Variants in PHC2 observed in about 807,000 individuals in gnomAD.
PHC2 encodes polyhomeotic homolog 2, also known as polyhomeotic-like protein 2.
Under a neutral mutation model 87.4 loss-of-function variants are expected in PHC2, and 29 were observed. The observed-to-expected ratio is 0.33, with a 90% CI of 0.25 to 0.45. The LOEUF is 0.45. Among genes scored for constraint, PHC2 ranks in the 20% least tolerant of loss-of-function variants. PHC2 has a pLI of 1.00. For synonymous variants in PHC2, 438 were observed against 461.7 expected (o/e 0.95, Z 0.66); for missense variants, 857 against 1,136.7 (o/e 0.75, Z 3.54).
At chr1:33,342,366 G>C (rs927616856) in intron 9 of PHC2, among the ~76,000 whole-genome samples, 2 of 152,214 alleles carry the variant, frequency 1.3e-5, no homozygotes, top group African/African-American at 4.8e-5. Flanking sequence ...CTTTCATGCT[G>C]TCTCTCAGGA....
intron 1 of PHC2, among the ~76,000 whole-genome samples, chr1:33,376,043 C>T (rs922746985): frequency 1.3e-5 from 2 of 151,782 alleles, no homozygotes; most frequent in Non-Finnish European, 2.9e-5. Context: ...ACTGAGGTCT[C>T]TGTTTTTTGA....
chr1:33,393,274 A>AT (rs1008984120), intron 1 of PHC2, among the ~76,000 whole-genome samples: 3 of 152,142 alleles, frequency 2.0e-5, no homozygotes, highest in Non-Finnish European at 4.4e-5. Flanking sequence ...GGAGGATGCG[A>AT]TAGAGAATCC....
intron 1 of PHC2, among the ~76,000 whole-genome samples, chr1:33,400,140 T>G (rs1004480728): frequency 1.3e-5 from 2 of 152,282 alleles, no homozygotes; most frequent in African/African-American, 2.4e-5. Context: ...AATTTAATAA[T>G]ACGGAGGGCT....
Position 33,349,742 on chromosome 1 carries a change from A to T in PHC2, c.1558+4659T>A. On this transcript the variant is annotated intron_variant, in intron 9 of 14. Coordinates refer to ENST00000683057, the MANE Select transcript of PHC2 (RefSeq NM_001385109.1). The surrounding 1 kb of genome is among the most constrained non-coding windows in gnomAD (Gnocchi z 4.2). ...CCGGGGCCCGGGGCTGCCGCGGCGC[A>T]TCCGACCGCACCGGCCTGGCCGGCG... The T allele has an allele frequency of 4.0e-6, 4 of 993,334 alleles. No individual in the cohort carries two copies. The highest frequency in any genetic ancestry group is 4.8e-6 in the Non-Finnish European group (4 of 834,408). 61.5% of individuals were successfully genotyped at this position (993,334 alleles called of 1,614,324 possible). A position where few individuals can be genotyped will look rare whatever the true frequency, so the allele number is the denominator to read the frequency against.
intron 9 of PHC2, chr1:33,346,534 GGGA>G: frequency 1.0e-6 from 1 of 985,108 alleles, no homozygotes; most frequent in Non-Finnish European, 1.2e-6. Context: ...TTGAACAGCT[GGGA>G]GAAGTTTAAT....
rs1422877343 is a variant in PHC2, at chr1:33,354,779, G to A, written c.1392+59C>T. 8.4e-6 allele frequency: 13 copies of A among 1,549,992 alleles called. No homozygotes were observed. In the East Asian group the frequency reaches 9.0e-5, roughly 11 times the overall value. On this transcript the variant is annotated intron_variant, in intron 8 of 14. Coordinates refer to ENST00000683057, the MANE Select transcript of PHC2 (RefSeq NM_001385109.1). Reference sequence around the variant, plus strand: ...GAAGCACCTCTTGACGGGGCTGTGGGGTCGTCCGAGCTGTGGCCACCCCGT... The same window carrying A: ...GAAGCACCTCTTGACGGGGCTGTGGAGTCGTCCGAGCTGTGGCCACCCCGT...
chr1:33,398,934 T>C (rs998695404), intron 1 of PHC2, among the ~76,000 whole-genome samples: 1 of 152,172 alleles, frequency 6.6e-6, no homozygotes, highest in African/African-American at 2.4e-5. Flanking sequence ...TGATTGTTGC[T>C]TGGAGGGTAG....
At position 33,349,510 on chromosome 1, in the gene PHC2, CCGAGGGCGGTGCCCGACTTCCAGTGCGG is replaced by C. The variant is rs1455885672; in HGVS notation, c.1558+4863_1558+4890del. 9.1e-6 allele frequency: 9 copies of C among 984,884 alleles called. No individual in the cohort carries two copies. The highest frequency in any genetic ancestry group is 1.1e-5 in the Non-Finnish European group (9 of 829,708). 61.0% of individuals were successfully genotyped at this position (984,884 alleles called of 1,614,324 possible). A position where few individuals can be genotyped will look rare whatever the true frequency, so the allele number is the denominator to read the frequency against. Reference sequence around the variant, plus strand: ...GCGTAGGCCCGGGCCGTTAGGGGCACCGAGGGCGGTGCCCGACTTCCAGTGCGGCGAGCGCGGCCCCCGGCCTCCCTAC... The same window carrying C: ...GCGTAGGCCCGGGCCGTTAGGGGCACCGAGCGCGGCCCCCGGCCTCCCTAC... On this transcript the variant is annotated intron_variant, in intron 9 of 14. Transcript: ENST00000683057. This position sits in a 1 kb window ranked among gnomAD's most constrained non-coding sequence, Gnocchi z 4.2.
chr1:33,357,255 G>A (rs749627002), intron 7 of PHC2, among the ~76,000 whole-genome samples: 3 of 152,198 alleles, frequency 2.0e-5, no homozygotes, highest in Non-Finnish European at 4.4e-5. Context: ...CTGAGCTCAC[G>A]TTTTAAATGG....
At chr1:33,414,365 G>T (rs1240480958) in intron 1 of PHC2, among the ~76,000 whole-genome samples, 1 of 152,190 alleles carries the variant, frequency 6.6e-6, no homozygotes, top group Non-Finnish European at 1.5e-5. Flanking sequence ...TCTGTAGTTA[G>T]TGGAGGCTTC....
At chr1:33,360,143 G>C (rs1479622229) in intron 7 of PHC2, among the ~76,000 whole-genome samples, 1 of 152,252 alleles carries the variant, frequency 6.6e-6, no homozygotes, top group African/African-American at 2.4e-5. Flanking sequence ...GAGTTTGAGA[G>C]GGGAAGTAGA....
intron 9 of PHC2, chr1:33,346,578 A>G: frequency 4.1e-6 from 4 of 985,348 alleles, no homozygotes; most frequent in Non-Finnish European, 4.8e-6. Flanking sequence ...GAAGAGGGAA[A>G]AACTCTTGGT....
intron 9 of PHC2, among the ~76,000 whole-genome samples, chr1:33,348,448 T>C (rs1646886632): frequency 6.6e-6 from 1 of 152,214 alleles, no homozygotes; most frequent in Admixed American, 6.5e-5. Flanking sequence ...GATTACCCAG[T>C]TATGCTCCAG....
intron 10 of PHC2, chr1:33,333,407 C>T (rs563323517): frequency 2.6e-5 from 4 of 152,434 alleles, no homozygotes; most frequent in Non-Finnish European, 5.9e-5. Flanking sequence ...TGGTGTGCCG[C>T]TGGCTCTGGG....
chr1:33,332,073 A>G lies in PHC2; in HGVS notation c.1891+202T>C, dbSNP rs779415497. 4.6e-5 allele frequency among the ~76,000 whole-genome samples: 7 copies of G among 151,994 alleles called. No individual in the cohort carries two copies. Among genetic ancestry groups the G allele is most frequent in the Non-Finnish European group, 1.0e-4 (7 of 68,004 alleles). ...GGATCCTGTGGTTGGCTGGAGGGGG[A>G]TTGGGGGAGCAGAGGACACATGGTT... On this transcript the variant is annotated intron_variant, in intron 11 of 14. Transcript: ENST00000683057. This position sits in a 1 kb window ranked among gnomAD's most constrained non-coding sequence, Gnocchi z 4.2.
Position 33,334,075 on chromosome 1 carries a change from AG to A in PHC2, c.1761+14del. 6.4e-7 allele frequency: 1 copy of A among 1,574,672 alleles called. No homozygotes were observed. The highest frequency in any genetic ancestry group is 8.6e-7 in the Non-Finnish European group (1 of 1,163,400). ...ATATACTTAAAAAAAAAAGGGGAAA[AG>A]AAGTAGTCCGTACCGGGAAAGGCTC... On this transcript the variant is annotated intron_variant, in intron 10 of 14. Transcript: ENST00000683057. The surrounding 1 kb of genome is among the most constrained non-coding windows in gnomAD (Gnocchi z 5.5).
At chr1:33,330,842 C>T (rs1054713371) in intron 12 of PHC2, among the ~76,000 whole-genome samples, 1 of 152,188 alleles carries the variant, frequency 6.6e-6, no homozygotes, top group Non-Finnish European at 1.5e-5. Flanking sequence ...GCTTCCTAAC[C>T]TGTATAAAGG....
chr1:33,383,812 C>T (rs1192988439), intron 1 of PHC2, among the ~76,000 whole-genome samples: 4 of 152,134 alleles, frequency 2.6e-5, no homozygotes, highest in Non-Finnish European at 4.4e-5. Context: ...AAGCCAGCCA[C>T]GTGAAGATGG....
rs1039698679 is a variant in PHC2 at position 33,334,584 on chromosome 1, C to T, written c.1559-292G>A. ...TGAACAGTTAACCCGGATAAACAGA[C>T]GGGAATTCTATCTTTGAGGAGTTAA... On this transcript the variant is annotated intron_variant, in intron 9 of 14. Coordinates refer to ENST00000683057, the MANE Select transcript of PHC2 (RefSeq NM_001385109.1). This position sits in a 1 kb window ranked among gnomAD's most constrained non-coding sequence, Gnocchi z 5.5. Among the ~76,000 whole-genome samples, 5 of 152,154 alleles carry T rather than the reference C, an allele frequency of 3.3e-5. No individual in the cohort carries two copies. Among genetic ancestry groups the T allele is most frequent in the Non-Finnish European group, 7.3e-5 (5 of 68,038 alleles).
Sources: gnomAD v4.1 joint callset for allele counts (sites outside exome capture counted in the v4.1 genomes callset) on GRCh38, gnomAD v4.1.1 for gene constraint, Gnocchi (gnomAD v3.1) non-coding constraint, MANE v1.5 for transcripts, NCBI Gene and HGNC (gene_info 2026-07-23, HGNC 2026-07-21) for gene names.